The following GRID2 variants were observed in gnomAD, a reference collection of about 807,000 sequenced individuals.
GRID2 encodes the protein glutamate receptor ionotropic, delta-2.
Under a neutral mutation model 114.8 loss-of-function variants are expected in GRID2, and 33 were observed. That is an observed-to-expected ratio of 0.29 (90% CI 0.22 to 0.38). GRID2 has a LOEUF of 0.38. GRID2 is among the 10% of genes least tolerant of loss of function. The pLI is 1.00. For synonymous variants in GRID2, 505 were observed against 449.9 expected (o/e 1.12, Z -1.55); for missense variants, 1,184 against 1,257.7 (o/e 0.94, Z 0.89).
intron 8 of GRID2, among the ~76,000 whole-genome samples, chr4:93,244,616 A>ATG: frequency 3.9e-5 from 1 of 25,654 alleles, no homozygotes; most frequent in East Asian, 4.7e-4. Context: ...TTAATAGATT[A>ATG]TATAATCTAT....
chr4:92,395,112 A>G (rs1730429376), intron 1 of GRID2, among the ~76,000 whole-genome samples: 1 of 151,656 alleles, frequency 6.6e-6, no homozygotes, highest in African/African-American at 2.4e-5. Context: ...TCTTTAAAAT[A>G]TTTTGTGTAG....
intron 14 of GRID2, among the ~76,000 whole-genome samples, chr4:93,681,564 A>T (rs1222316307): frequency 6.6e-6 from 1 of 152,150 alleles, no homozygotes; most frequent in Non-Finnish European, 1.5e-5. Context: ...ACAGCATGGT[A>T]CTGGTACCAA....
chr4:92,799,609 T>G (rs1305955742), intron 2 of GRID2, among the ~76,000 whole-genome samples: 7 of 150,362 alleles, frequency 4.7e-5, no homozygotes, highest in Non-Finnish European at 1.0e-4. Flanking sequence ...ACATTTCCTC[T>G]TCTTAGAAGA....
Position 93,708,499 on chromosome 4 carries a change from C to T in GRID2, c.2361-60711C>T, listed in dbSNP as rs114650559. Reference sequence around the variant, plus strand: ...AAATATAGCTACTTCTTATCTTTTCCGATTCCCATCTGCATGGAGTATATT... The same window carrying T: ...AAATATAGCTACTTCTTATCTTTTCTGATTCCCATCTGCATGGAGTATATT... On this transcript the variant is annotated intron_variant, in intron 14 of 15. Coordinates refer to ENST00000282020, the MANE Select transcript of GRID2 (RefSeq NM_001510.4). Among the ~76,000 whole-genome samples the T allele has an allele frequency of 2.6e-3, 396 of 151,918 alleles. 2 individuals carry two copies. Among genetic ancestry groups the T allele is most frequent in the African/African-American group, 9.2e-3 (380 of 41,498 alleles).
At chr4:93,288,047 A>G (rs570387324) in intron 8 of GRID2, among the ~76,000 whole-genome samples, 47 of 152,314 alleles carry the variant, frequency 3.1e-4, no homozygotes, top group South Asian at 1.0e-3. Context: ...CCACACATCA[A>G]TATTTCCTAA....
chr4:93,224,490 T>TATTA, intron 6 of GRID2, 124 bp from the exon 7 acceptor site: 1 of 578,560 alleles, frequency 1.7e-6, no homozygotes, highest in Non-Finnish European at 3.0e-6. Flanking sequence ...AACCTTCTGC[T>TATTA]TAATAACCCA....
chr4:93,402,592 T>A (rs1766002068), intron 9 of GRID2, among the ~76,000 whole-genome samples: 1 of 151,446 alleles, frequency 6.6e-6, no homozygotes, highest in Non-Finnish European at 1.5e-5. Flanking sequence ...GAATAATGAG[T>A]TTTAGGCCCC....
chr4:92,338,152 G>C (rs1041926061), intron 1 of GRID2, among the ~76,000 whole-genome samples: 1 of 152,082 alleles, frequency 6.6e-6, no homozygotes, highest in Non-Finnish European at 1.5e-5. Context: ...AATATGTTCT[G>C]AAGAGAAAAA....
chr4:93,180,991 G>A (rs1397288518), intron 4 of GRID2, among the ~76,000 whole-genome samples: 1 of 152,074 alleles, frequency 6.6e-6, no homozygotes, highest in African/African-American at 2.4e-5. Flanking sequence ...TATTCTTAAT[G>A]GCATGTAGAA....
intron 2 of GRID2, among the ~76,000 whole-genome samples, chr4:93,043,622 G>A (rs1578834064): frequency 1.3e-5 from 2 of 152,232 alleles, no homozygotes; most frequent in South Asian, 2.1e-4. Flanking sequence ...GTGTTTTCTT[G>A]AAGATGAAGT....
chr4:92,341,055 A>C (rs896449610), intron 1 of GRID2, among the ~76,000 whole-genome samples: 1 of 152,190 alleles, frequency 6.6e-6, no homozygotes, highest in African/African-American at 2.4e-5. Context: ...TATATACAAA[A>C]GGGCAGTATC....
At chr4:93,086,977 TTAAGCGGGGAGAACAA>T (rs1730378871) in intron 3 of GRID2, among the ~76,000 whole-genome samples, 1 of 152,054 alleles carries the variant, frequency 6.6e-6, no homozygotes, top group Admixed American at 6.6e-5. Context: ...GTAACTTTAT[TTAAGCGGGGAGAACAA>T]TTTTCAGTTA....
chr4:93,225,970 G>T (rs1745439602), intron 7 of GRID2, among the ~76,000 whole-genome samples: 2 of 152,098 alleles, frequency 1.3e-5, no homozygotes, highest in Non-Finnish European at 2.9e-5. Context: ...AGACTTCCTG[G>T]ATAACTAATC....
chr4:92,953,717 T>G (rs1752187072), intron 2 of GRID2, among the ~76,000 whole-genome samples: 1 of 151,630 alleles, frequency 6.6e-6, no homozygotes, highest in Admixed American at 6.6e-5. Flanking sequence ...TCACTGAGAG[T>G]CCCAACAAGC....
intron 4 of GRID2, among the ~76,000 whole-genome samples, chr4:93,192,546 A>G (rs1741082015): frequency 6.6e-6 from 1 of 152,096 alleles, no homozygotes; most frequent in South Asian, 2.1e-4. Context: ...GTTCAAGACC[A>G]GCCTGGCCAA....
chr4:93,113,518 G>T, intron 4 of GRID2, among the ~76,000 whole-genome samples: 1 of 152,182 alleles, frequency 6.6e-6, no homozygotes, highest in East Asian at 1.9e-4. Flanking sequence ...AATATGCATT[G>T]ATTTACTAGT....
intron 2 of GRID2, among the ~76,000 whole-genome samples, chr4:92,954,073 A>G (rs1445762267): frequency 6.6e-6 from 1 of 152,172 alleles, no homozygotes; most frequent in Non-Finnish European, 1.5e-5. Flanking sequence ...ACAAATACAC[A>G]TGCACATGAA....
chr4:93,706,712 T>C (rs1244883273), intron 14 of GRID2, among the ~76,000 whole-genome samples: 3 of 152,208 alleles, frequency 2.0e-5, no homozygotes, highest in Admixed American at 2.0e-4. Flanking sequence ...TATTTCTTTC[T>C]GTTGCCTGAT....
intron 14 of GRID2, among the ~76,000 whole-genome samples, chr4:93,766,504 T>A (rs1007589865): frequency 1.3e-5 from 2 of 151,930 alleles, no homozygotes; most frequent in African/African-American, 4.8e-5. Flanking sequence ...TATTACAAGG[T>A]GAGATTTGTG....
Sources: gnomAD v4.1 joint callset for allele counts (sites outside exome capture counted in the v4.1 genomes callset) on GRCh38, gnomAD v4.1.1 for gene constraint, MANE v1.5 for transcripts, NCBI Gene and HGNC (gene_info 2026-07-23, HGNC 2026-07-21) for gene names.